The following CSMD2 variants were observed in gnomAD, a reference collection of about 807,000 sequenced individuals.
The protein encoded by CSMD2 is CUB and Sushi multiple domains 2, also known as CUB and sushi domain-containing protein 2.
Under a neutral mutation model 398.5 loss-of-function variants are expected in CSMD2, and 130 were observed. That is an observed-to-expected ratio of 0.33 (90% CI 0.28 to 0.38). The LOEUF (loss-of-function observed/expected upper bound fraction) is 0.38. CSMD2 is among the 10% of genes least tolerant of loss of function. The probability of loss-of-function intolerance (pLI) is 1.00; values close to 1 mark genes in which losing one functional copy is unlikely to be tolerated. For synonymous variants in CSMD2, 1,828 were observed against 1,908.5 expected, an observed-to-expected ratio of 0.96 and a Z score of 1.10; for missense variants, 3,829 against 4,764.9, an observed-to-expected ratio of 0.80 and a Z score of 5.78.
At chr1:33,577,535 A>G (rs752317509) in intron 48 of CSMD2, 51 bp from the exon 49 acceptor site, 5 of 1,506,558 alleles carry the variant, frequency 3.3e-6, no homozygotes, top group Non-Finnish European at 4.5e-6. Context: ...GAAGACAGAC[A>G]TGGTCTTTCA....
At chr1:33,739,491 G>A (rs987320859) in intron 14 of CSMD2, among the ~76,000 whole-genome samples, 157 bp from the exon 15 acceptor site, 1 of 152,184 alleles carries the variant, frequency 6.6e-6, no homozygotes, top group Admixed American at 6.5e-5. Context: ...CTAGGACCTC[G>A]GCATTAAGCA....
intron 25 of CSMD2, among the ~76,000 whole-genome samples, chr1:33,683,054 T>C (rs1644957387): frequency 6.6e-6 from 1 of 152,354 alleles, no homozygotes; most frequent in Middle Eastern, 3.4e-3. Context: ...TTGTCTTCCA[T>C]GTTTGTCTAC....
intron 5 of CSMD2, among the ~76,000 whole-genome samples, chr1:33,899,850 C>T (rs1443739118): frequency 6.6e-6 from 1 of 152,190 alleles, no homozygotes; most frequent in East Asian, 1.9e-4. Flanking sequence ...CTTCAGGGTA[C>T]TGCCAAATGG....
At chr1:34,064,199 T>C (rs1301618667) in intron 2 of CSMD2, among the ~76,000 whole-genome samples, 1 of 152,240 alleles carries the variant, frequency 6.6e-6, no homozygotes, top group Non-Finnish European at 1.5e-5. Context: ...TAACATTTGG[T>C]TCCTTGTTAC....
At chr1:34,058,620 C>T (rs1179735922) in intron 2 of CSMD2, among the ~76,000 whole-genome samples, 1 of 152,188 alleles carries the variant, frequency 6.6e-6, no homozygotes, top group Non-Finnish European at 1.5e-5. Context: ...GAGCTGGAAT[C>T]ACCACCTATG....
chr1:33,641,901 C>T (rs1427841649), intron 29 of CSMD2, among the ~76,000 whole-genome samples: 1 of 152,128 alleles, frequency 6.6e-6, no homozygotes, highest in Admixed American at 6.5e-5. Flanking sequence ...TCGTATTTAC[C>T]GAATGAATAA....
intron 19 of CSMD2, among the ~76,000 whole-genome samples, chr1:33,717,439 G>A (rs1646210545): frequency 6.6e-6 from 1 of 151,966 alleles, no homozygotes; most frequent in African/African-American, 2.4e-5. Flanking sequence ...AGCCAAGACA[G>A]CAGGCACTTA....
At chr1:34,115,574 T>A (rs901142717) in intron 1 of CSMD2, among the ~76,000 whole-genome samples, 1 of 152,052 alleles carries the variant, frequency 6.6e-6, no homozygotes, top group Non-Finnish European at 1.5e-5. Flanking sequence ...CGCCATTAGA[T>A]CTGCCTTATG....
Position 33,541,170 on chromosome 1 carries a change from G to T in CSMD2, c.9417C>A (p.Thr3139=). 1 of 1,614,114 alleles carries T rather than the reference G, an allele frequency of 6.2e-7. No individual in the cohort carries two copies. Among genetic ancestry groups the T allele is most frequent in the Non-Finnish European group, 8.5e-7 (1 of 1,180,028 alleles). ...ESHRVSVLSC[T]KDRTWNGTKP... is the part of the protein sequence containing the mutation. ...TGGTTCCATTCCATGTCCGGTCCTT[G>T]GTGCAGCTCAGCACAGATACTCTAT... is the stretch of plus-strand genomic sequence containing the variant. The change falls in exon 59 of 71, where the codon ACC becomes ACA. Residue 3139 remains threonine, a synonymous_variant. Transcript: ENST00000373381.
intron 5 of CSMD2, among the ~76,000 whole-genome samples, chr1:33,916,309 A>G (rs572659262): frequency 6.6e-6 from 1 of 152,326 alleles, no homozygotes; most frequent in African/African-American, 2.4e-5. Context: ...AATAATTTTA[A>G]TTTTTCCATA....
chr1:33,517,142 G>T (rs1247665029), intron 70 of CSMD2, among the ~76,000 whole-genome samples: 1 of 151,890 alleles, frequency 6.6e-6, no homozygotes, highest in Non-Finnish European at 1.5e-5. Flanking sequence ...TTTTCTCCTT[G>T]GCATTATTTA....
At chr1:33,632,355 A>G (rs969891325) in intron 32 of CSMD2, among the ~76,000 whole-genome samples, 1 of 152,088 alleles carries the variant, frequency 6.6e-6, no homozygotes, top group Non-Finnish European at 1.5e-5. Flanking sequence ...GCTGGAGAGG[A>G]GGGCTTTTTA....
chr1:33,802,541 T>C (rs1570022463), intron 10 of CSMD2, among the ~76,000 whole-genome samples: 1 of 152,152 alleles, frequency 6.6e-6, no homozygotes, highest in East Asian at 1.9e-4. Context: ...TCCTAGCTCC[T>C]TGCCAAGCCC....
At chr1:34,041,835 G>C (rs568522310) in intron 2 of CSMD2, among the ~76,000 whole-genome samples, 1 of 152,346 alleles carries the variant, frequency 6.6e-6, no homozygotes, top group South Asian at 2.1e-4. Context: ...GCTCCAGAGA[G>C]ACACACTTGG....
intron 41 of CSMD2, chr1:33,606,133 C>A (rs992820404): frequency 2.0e-5 from 25 of 1,255,790 alleles, no homozygotes; most frequent in Non-Finnish European, 2.7e-5. Context: ...TCCATGGAAG[C>A]AGCTGAGGCC....
intron 7 of CSMD2, 57 bp downstream of exon 7, chr1:33,825,640 T>C (rs1484001645): frequency 6.8e-7 from 1 of 1,468,330 alleles, no homozygotes; most frequent in Non-Finnish European, 9.5e-7. Context: ...GTTTAGTGCC[T>C]GCACGTGTGA....
Position 34,122,681 on chromosome 1 carries a change from C to T in CSMD2, c.188-33488G>A, listed in dbSNP as rs139946894. On this transcript the variant is annotated intron_variant, in intron 1 of 70. Coordinates refer to ENST00000373381, the MANE Select transcript of CSMD2 (RefSeq NM_001281956.2). ...CCTCCTCCCACCTATTACACAGGTC[C>T]ACCTATTTCCATACCCCATCTGTGC... is the stretch of plus-strand genomic sequence containing the variant. 1.8e-3 allele frequency among the ~76,000 whole-genome samples: 274 copies of T among 152,274 alleles called. 1 individual carries two copies. Among genetic ancestry groups the T allele is most frequent in the African/African-American group, 6.2e-3 (258 of 41,552 alleles).
chr1:33,839,368 GC>G (rs1474351946), intron 6 of CSMD2: 2 of 152,314 alleles, frequency 1.3e-5, no homozygotes, highest in Admixed American at 1.3e-4. Flanking sequence ...AAAACTCCAG[GC>G]TTTGGTGACA....
rs139571138 is a variant in CSMD2 at position 33,762,864 on chromosome 1, C to T, written c.1846+9705G>A. 8.8e-3 allele frequency among the ~76,000 whole-genome samples: 1,342 copies of T among 152,254 alleles called. 14 individuals are homozygous for T. The highest frequency in any genetic ancestry group is 0.031 in the African/African-American group (1,287 of 41,534). On this transcript the variant is annotated intron_variant, in intron 13 of 70. Coordinates refer to ENST00000373381, the MANE Select transcript of CSMD2 (RefSeq NM_001281956.2). ...CTTGCCCGGTGCTGAGTGTAATGGCCAGTACATAGTACCCACTCCCTTCCA... is the reference window on the plus strand; with the variant it reads ...CTTGCCCGGTGCTGAGTGTAATGGCTAGTACATAGTACCCACTCCCTTCCA...
Sources: allele counts gnomAD v4.1 joint callset (sites outside exome capture counted in the v4.1 genomes callset), GRCh38; gene constraint gnomAD v4.1.1; transcripts MANE v1.5; gene names NCBI Gene and HGNC (gene_info 2026-07-23, HGNC 2026-07-21).